The following KANSL1L variants were observed in gnomAD, a reference collection of about 807,000 sequenced individuals.
The protein encoded by KANSL1L is KAT8 regulatory NSL complex subunit 1-like protein.
KANSL1L carries 25 observed loss-of-function variants against 108.6 expected under a neutral mutation model. The observed-to-expected ratio is 0.23, with a 90% confidence interval of 0.17 to 0.32. KANSL1L has a LOEUF of 0.32. Among genes scored for constraint, KANSL1L ranks in the 10% least tolerant of loss-of-function variants. The probability of loss-of-function intolerance (pLI) is 1.00; values close to 1 mark genes in which losing one functional copy is unlikely to be tolerated. For synonymous variants in KANSL1L, 405 were observed against 395.1 expected (o/e 1.03, Z -0.30); for missense variants, 1,137 against 1,125.7 (o/e 1.01, Z -0.14).
intron 5 of KANSL1L, among the ~76,000 whole-genome samples, chr2:210,087,886 C>T (rs1329353985): frequency 6.6e-6 from 1 of 152,084 alleles, no homozygotes; most frequent in African/African-American, 2.4e-5. Flanking sequence ...GATCTAATTC[C>T]AAAGTAATAT....
intron 6 of KANSL1L, among the ~76,000 whole-genome samples, chr2:210,061,786 C>T (rs772176888): frequency 1.8e-4 from 28 of 152,004 alleles, no homozygotes; most frequent in Admixed American, 2.0e-4. Flanking sequence ...TTAGAAACTA[C>T]GTGAAGTTTT....
chr2:210,026,427 T>G (rs537440810), intron 12 of KANSL1L: 1 of 152,364 alleles, frequency 6.6e-6, no homozygotes, highest in African/African-American at 2.4e-5. Flanking sequence ...TTTTCATAAT[T>G]CATTTGGTGA....
intron 5 of KANSL1L, among the ~76,000 whole-genome samples, chr2:210,082,350 C>G (rs1182786469): frequency 6.6e-6 from 1 of 152,150 alleles, no homozygotes; most frequent in Non-Finnish European, 1.5e-5. Flanking sequence ...CATTTGGAAT[C>G]TAAGACATGT....
intron 3 of KANSL1L, among the ~76,000 whole-genome samples, chr2:210,116,489 G>A (rs1440970953): frequency 6.6e-6 from 1 of 152,180 alleles, no homozygotes; most frequent in Admixed American, 6.5e-5. Context: ...ACCCTGTGCA[G>A]TCCCAGTGGT....
chr2:210,147,100 T>C (rs2095271275), intron 2 of KANSL1L, among the ~76,000 whole-genome samples: 1 of 152,176 alleles, frequency 6.6e-6, no homozygotes, highest in South Asian at 2.1e-4. Flanking sequence ...AAAGCCTTTT[T>C]AAAAACAAAT....
At chr2:210,151,395 T>C (rs972148720) in intron 2 of KANSL1L, 1 of 152,186 alleles carries the variant, frequency 6.6e-6, no homozygotes, top group Non-Finnish European at 1.5e-5. Flanking sequence ...AACAAAAAAA[T>C]TTACTGAATG....
chr2:210,029,099 G>T, intron 10 of KANSL1L, 130 bp from the exon 11 acceptor site: 1 of 776,008 alleles, frequency 1.3e-6, no homozygotes, highest in South Asian at 2.0e-5. Flanking sequence ...TATAAAGTCT[G>T]ACTAAAAAAT....
chr2:210,170,370 C>T, intron 1 of KANSL1L: 3 of 985,446 alleles, frequency 3.0e-6, no homozygotes, highest in Non-Finnish European at 2.4e-6. Flanking sequence ...CAAAAACGGA[C>T]TCTCCCAGAG....
intron 6 of KANSL1L, among the ~76,000 whole-genome samples, chr2:210,061,319 C>T (rs957648377): frequency 6.6e-6 from 1 of 152,090 alleles, no homozygotes; most frequent in African/African-American, 2.4e-5. Flanking sequence ...TCACCATTCC[C>T]AGTGGGAAAG....
At chr2:210,147,808 G>C (rs1028853680) in intron 2 of KANSL1L, among the ~76,000 whole-genome samples, 2 of 152,114 alleles carry the variant, frequency 1.3e-5, no homozygotes, top group African/African-American at 4.8e-5. Context: ...TCTTGGCACT[G>C]AGTTTCTACT....
chr2:210,129,787 A>G (rs2095103422), intron 2 of KANSL1L, among the ~76,000 whole-genome samples: 1 of 152,142 alleles, frequency 6.6e-6, no homozygotes, highest in Admixed American at 6.5e-5. Context: ...GTTCCTTAAA[A>G]ACCTGATTCC....
intron 1 of KANSL1L, among the ~76,000 whole-genome samples, chr2:210,165,965 T>C (rs1687933855): frequency 1.3e-5 from 2 of 152,206 alleles, no homozygotes; most frequent in Non-Finnish European, 2.9e-5. Flanking sequence ...TTGTTGCTAA[T>C]CTTTTACTAT....
chr2:210,026,491 CTA>C lies in KANSL1L; in HGVS notation c.2451+803_2451+804del, dbSNP rs1228889706. 8.5e-5 allele frequency: 13 copies of C among 152,214 alleles called. 1 individual carries two copies. Among genetic ancestry groups the C allele is most frequent in the Admixed American group, 5.9e-4 (9 of 15,284 alleles). 9.4% of individuals were successfully genotyped at this position (152,214 alleles called of 1,614,324 possible). A position where few individuals can be genotyped will look rare whatever the true frequency, so the allele number is the denominator to read the frequency against. On this transcript the variant is annotated intron_variant, in intron 12 of 14. Coordinates refer to ENST00000281772, the MANE Select transcript of KANSL1L (RefSeq NM_152519.4). ...TATTTTTAGTGTTTATCCAACTCAA[CTA>C]TGAATATTTCACTACAGAAACATTA...
rs145659503 is a variant in KANSL1L at position 210,057,924 on chromosome 2, T to C, written c.1756-13820A>G. Among the ~76,000 whole-genome samples the C allele has an allele frequency of 5.7e-3, 873 of 152,250 alleles. 2 individuals carry two copies. The highest frequency in any genetic ancestry group is 0.014 in the Middle Eastern group (4 of 294). ...ACATCACCTCAGGACCCTGTGATGA[T>C]TGCATTAACTGCACAAATTGTTTGT... On this transcript the variant is annotated intron_variant, in intron 6 of 14. Coordinates refer to ENST00000281772, the MANE Select transcript of KANSL1L (RefSeq NM_152519.4).
chr2:210,058,658 C>T (rs2094384233), intron 6 of KANSL1L, among the ~76,000 whole-genome samples: 1 of 151,898 alleles, frequency 6.6e-6, no homozygotes, highest in African/African-American at 2.4e-5. Context: ...ATGGTGAAAC[C>T]CCGTCTCTAC....
intron 6 of KANSL1L, among the ~76,000 whole-genome samples, chr2:210,062,423 C>T (rs1434608000): frequency 1.3e-5 from 2 of 152,074 alleles, no homozygotes; most frequent in Admixed American, 6.6e-5. Context: ...TAGAGTAGAG[C>T]GCTGCTTAGA....
chr2:210,153,860 A>G lies in KANSL1L; in HGVS notation c.723T>C (p.Thr241=). The change falls in exon 2 of 15, where the codon ACT becomes ACC. Residue 241 remains threonine, a synonymous_variant. Coordinates refer to ENST00000281772, the MANE Select transcript of KANSL1L (RefSeq NM_152519.4). ...CCAGGAGCATCTGCAAATGTTTCTG[A>G]GTTCTTCTAGCCTGGCTAAGTAAAA... is the stretch of plus-strand genomic sequence containing the variant. The part of the protein sequence containing the change: ...QKILLSQARR[T]QKHLQMLLAK... 6.2e-7 allele frequency: 1 copy of G among 1,612,728 alleles called. No individual in the cohort carries two copies. The highest frequency in any genetic ancestry group is 8.5e-7 in the Non-Finnish European group (1 of 1,179,618).
intron 2 of KANSL1L, among the ~76,000 whole-genome samples, chr2:210,138,766 T>C (rs954278175): frequency 2.6e-5 from 4 of 152,112 alleles, no homozygotes; most frequent in Non-Finnish European, 5.9e-5. Flanking sequence ...ACATTTAACA[T>C]TTTTTATGGT....
intron 2 of KANSL1L, among the ~76,000 whole-genome samples, chr2:210,138,117 G>A (rs2095191379): frequency 6.6e-6 from 1 of 151,932 alleles, no homozygotes; most frequent in African/African-American, 2.4e-5. Flanking sequence ...AATCCAAGAA[G>A]CATGTTACAT....
Sources: gnomAD v4.1 joint callset for allele counts (sites outside exome capture counted in the v4.1 genomes callset) on GRCh38, gnomAD v4.1.1 for gene constraint, MANE v1.5 for transcripts, NCBI Gene and HGNC (gene_info 2026-07-23, HGNC 2026-07-21) for gene names.